The following TAFA2 variants were observed in gnomAD, a reference collection of about 807,000 sequenced individuals.
The protein encoded by TAFA2 is TAFA chemokine like family member 2, also known as chemokine-like protein TAFA-2.
In TAFA2, 7 loss-of-function variants were observed where a neutral mutation model predicts 18.8. That is an observed-to-expected ratio of 0.37 (90% CI 0.21 to 0.70). TAFA2 has a LOEUF of 0.70. Ranked by LOEUF, TAFA2 falls within the 30% of genes least tolerant of loss-of-function variation. The pLI is 0.53. For missense variants in TAFA2, 122 were observed against 158.1 expected (o/e 0.77, Z 1.23); for synonymous variants, 60 against 54.2 (o/e 1.11, Z -0.47).
At chr12:61,922,400 C>T (rs868202945) in intron 1 of TAFA2, among the ~76,000 whole-genome samples, 1 of 151,940 alleles carries the variant, frequency 6.6e-6, no homozygotes, top group Non-Finnish European at 1.5e-5. Flanking sequence ...ACTGAGGTAC[C>T]CAGTTCATCT....
chr12:62,153,679 AG>A (rs1335471640), intron 1 of TAFA2, among the ~76,000 whole-genome samples: 1 of 151,990 alleles, frequency 6.6e-6, no homozygotes, highest in Non-Finnish European at 1.5e-5. Context: ...AAAAAAAAAA[AG>A]GCAACATCAA....
chr12:62,100,318 A>AT (rs1869140197), intron 1 of TAFA2, among the ~76,000 whole-genome samples: 1 of 152,098 alleles, frequency 6.6e-6, no homozygotes, highest in Non-Finnish European at 1.5e-5. Flanking sequence ...TGAAACCACT[A>AT]TGTCAGAGGC....
At chr12:62,137,583 C>T (rs970425581) in intron 1 of TAFA2, among the ~76,000 whole-genome samples, 1 of 152,088 alleles carries the variant, frequency 6.6e-6, no homozygotes, top group African/African-American at 2.4e-5. Flanking sequence ...TTGGAAAACA[C>T]GTTAGAGCTT....
chr12:61,983,895 A>G (rs1565705327), intron 1 of TAFA2, among the ~76,000 whole-genome samples: 1 of 152,166 alleles, frequency 6.6e-6, no homozygotes, highest in Non-Finnish European at 1.5e-5. Context: ...TACACCAAGC[A>G]TCCCAGAGTC....
At chr12:61,955,670 T>TA in intron 1 of TAFA2, among the ~76,000 whole-genome samples, 1 of 120,612 alleles carries the variant, frequency 8.3e-6, no homozygotes, top group African/African-American at 3.1e-5. Flanking sequence ...TATATATATA[T>TA]TTAATTTTAA....
intron 2 of TAFA2, among the ~76,000 whole-genome samples, chr12:61,776,878 A>G (rs917782444): frequency 1.3e-5 from 2 of 151,854 alleles, no homozygotes; most frequent in African/African-American, 4.8e-5. Flanking sequence ...ATATTCTTTA[A>G]CTTCTCAGTG....
intron 2 of TAFA2, among the ~76,000 whole-genome samples, chr12:61,858,565 A>T (rs570624016): frequency 6.6e-6 from 1 of 152,090 alleles, no homozygotes; most frequent in South Asian, 2.1e-4. Flanking sequence ...GTCTCCAAGA[A>T]CTCTAAAAAT....
At chr12:62,097,768 T>C (rs891616102) in intron 1 of TAFA2, among the ~76,000 whole-genome samples, 2 of 152,168 alleles carry the variant, frequency 1.3e-5, no homozygotes, top group African/African-American at 4.8e-5. Context: ...TGATTTTTCA[T>C]GGAAAAGCTT....
At chr12:62,061,282 T>C (rs549712166) in intron 1 of TAFA2, among the ~76,000 whole-genome samples, 1 of 152,208 alleles carries the variant, frequency 6.6e-6, no homozygotes, top group Non-Finnish European at 1.5e-5. Context: ...TTCTACAGTA[T>C]TTTAACTCTA....
intron 4 of TAFA2, chr12:61,720,957 G>A (rs755541663): frequency 1.2e-5 from 6 of 516,886 alleles, no homozygotes; most frequent in South Asian, 2.8e-5. Flanking sequence ...GCACTCCACT[G>A]TTTAACAGAT....
intron 1 of TAFA2, among the ~76,000 whole-genome samples, chr12:62,131,887 A>G (rs1870700460): frequency 6.6e-6 from 1 of 151,908 alleles, no homozygotes; most frequent in Non-Finnish European, 1.5e-5. Context: ...TGTTTCTATG[A>G]TGACTGTTTC....
intron 1 of TAFA2, among the ~76,000 whole-genome samples, chr12:61,976,992 A>T (rs1879461494): frequency 6.6e-6 from 1 of 152,076 alleles, no homozygotes; most frequent in African/African-American, 2.4e-5. Context: ...ATACATGTGC[A>T]TGTGTCTTTG....
intron 2 of TAFA2, among the ~76,000 whole-genome samples, chr12:61,762,165 C>T (rs553010894): frequency 3.9e-5 from 6 of 152,026 alleles, no homozygotes; most frequent in Admixed American, 3.9e-4. Context: ...ATAAATTACC[C>T]AGTCTCAGGT....
At chr12:61,996,039 T>G (rs1353385278) in intron 1 of TAFA2, among the ~76,000 whole-genome samples, 2 of 152,072 alleles carry the variant, frequency 1.3e-5, no homozygotes, top group Non-Finnish European at 2.9e-5. Flanking sequence ...CTTTTGACAT[T>G]GTATTGATAA....
intron 2 of TAFA2, chr12:61,776,194 G>A (rs1408314456): frequency 7.4e-6 from 2 of 271,694 alleles, no homozygotes; most frequent in East Asian, 2.1e-4. Context: ...ATTAATGTGT[G>A]TATTGAGCAT....
intron 1 of TAFA2, among the ~76,000 whole-genome samples, chr12:61,970,724 T>C (rs1879218669): frequency 7.0e-6 from 1 of 143,294 alleles, no homozygotes; most frequent in African/African-American, 2.6e-5. Flanking sequence ...CACCGAGAAG[T>C]AGTTATAGAA....
chr12:62,238,365 G>A (rs1307183442), intron 1 of TAFA2, among the ~76,000 whole-genome samples: 1 of 152,166 alleles, frequency 6.6e-6, no homozygotes, highest in Non-Finnish European at 1.5e-5. Flanking sequence ...GAAGAGTGAA[G>A]CCAGATTGCT....
intron 1 of TAFA2, among the ~76,000 whole-genome samples, chr12:61,890,583 A>T (rs1875586615): frequency 6.6e-6 from 1 of 152,208 alleles, no homozygotes; most frequent in Non-Finnish European, 1.5e-5. Flanking sequence ...TACCAGAGGG[A>T]GGGAGGTCTT....
Position 61,904,278 on chromosome 12 carries a change from G to T in TAFA2, c.-1-36852C>A, listed in dbSNP as rs540328366. Among the ~76,000 whole-genome samples the T allele has an allele frequency of 2.0e-5, 3 of 152,082 alleles. No homozygotes were observed. In the East Asian group the frequency reaches 5.8e-4, roughly 29 times the overall value. On this transcript the variant is annotated intron_variant, in intron 1 of 4. Transcript: ENST00000416284. ...TCTCCAGTATGGAATCTGGACACTT[G>T]GATCAAAAAACACTACAGGTTTTTC...
Sources: gnomAD v4.1 joint callset for allele counts (sites outside exome capture counted in the v4.1 genomes callset) on GRCh38, gnomAD v4.1.1 for gene constraint, MANE v1.5 for transcripts, NCBI Gene and HGNC (gene_info 2026-07-23, HGNC 2026-07-21) for gene names.